RXFP2: variants seen among roughly 807,000 people sequenced by gnomAD.
RXFP2 encodes the protein relaxin receptor 2.
A neutral mutation model predicts 88.6 loss-of-function variants in RXFP2; 68 were observed. The ratio of observed to expected loss-of-function variants is 0.77; its 90% CI spans 0.63 to 0.94. The LOEUF is 0.94. Ranked by LOEUF, RXFP2 falls within the 40% of genes least tolerant of loss-of-function variation. The probability of loss-of-function intolerance (pLI) is 0.00; values close to 1 mark genes in which losing one functional copy is unlikely to be tolerated. For synonymous variants in RXFP2, 329 were observed against 306.8 expected (o/e 1.07, Z -0.76); for missense variants, 791 against 893.9 (o/e 0.88, Z 1.47).
At position 31,797,272 on chromosome 13, in the gene RXFP2, G is replaced by A. The variant is rs149405381; in HGVS notation, c.1858G>A (p.Ala620Thr). ...ITMFCSIQKTALQTTEVRNCF... is the reference protein window; with the variant it reads ...ITMFCSIQKTTLQTTEVRNCF... ...TATGTTCTGTTCCATTCAAAAAACC[G>A]CCTTGCAGACCACAGAAGTAAGGAA... Residue 620 changes from alanine to threonine, a missense_variant, in exon 17 of 18, where the codon GCC becomes ACC. Physicochemically the swap from Ala to Thr is moderately conservative, Grantham distance 58 (BLOSUM62 0). Transcript: ENST00000298386. 2.0e-3 allele frequency: 3,190 copies of A among 1,613,910 alleles called. 4 individuals are homozygous for A. Among genetic ancestry groups the A allele is most frequent in the Non-Finnish European group, 2.4e-3 (2,851 of 1,179,880 alleles).
Position 31,791,968 on chromosome 13 carries a change from C to T in RXFP2, c.1308C>T (p.Val436=), listed in dbSNP as rs1873814286. Residue 436 remains valine (V), a synonymous_variant, in exon 15 of 18, where the codon GTC becomes GTT. Coordinates refer to ENST00000298386, the MANE Select transcript of RXFP2 (RefSeq NM_130806.5). ...AFITCFGNLF[V]IGMRSFIKAE... ...TTACCTGCTTTGGAAATCTTTTTGTCATTGGCATGAGATCTTTCATTAAAG... is the reference window on the plus strand; with the variant it reads ...TTACCTGCTTTGGAAATCTTTTTGTTATTGGCATGAGATCTTTCATTAAAG... 3 of 1,614,084 alleles carry T rather than the reference C, an allele frequency of 1.9e-6. No homozygotes were observed. The highest frequency in any genetic ancestry group is 2.5e-6 in the Non-Finnish European group (3 of 1,180,000).
chr13:31,756,941 T>A (rs1482149379), intron 1 of RXFP2, among the ~76,000 whole-genome samples: 1 of 152,090 alleles, frequency 6.6e-6, no homozygotes, highest in African/African-American at 2.4e-5. Flanking sequence ...AAAAAAAACA[T>A]GACTTCTGTA....
intron 9 of RXFP2, among the ~76,000 whole-genome samples, chr13:31,780,698 G>A (rs1020853679): frequency 1.3e-4 from 20 of 152,300 alleles, no homozygotes; most frequent in Middle Eastern, 6.8e-3. Context: ...TTAGTCCCCC[G>A]CATTGCTCAA....
chr13:31,768,217 G>A (rs1174310960), intron 5 of RXFP2, among the ~76,000 whole-genome samples: 1 of 152,136 alleles, frequency 6.6e-6, no homozygotes, highest in Non-Finnish European at 1.5e-5. Flanking sequence ...TCACCTGACA[G>A]GGCTTCTCCC....
intron 4 of RXFP2, among the ~76,000 whole-genome samples, chr13:31,765,476 G>GT (rs776829077): frequency 1.3e-5 from 2 of 150,828 alleles, no homozygotes; most frequent in Admixed American, 6.6e-5. Context: ...CTTATTCTAC[G>GT]TTTTTTTTAA....
intron 11 of RXFP2, among the ~76,000 whole-genome samples, chr13:31,785,655 A>G (rs138745470): frequency 1.0e-3 from 156 of 152,144 alleles, no homozygotes; most frequent in Non-Finnish European, 1.7e-3. Context: ...CCAGAGTATC[A>G]AAAGAGATCA....
At chr13:31,749,011 A>C (rs1566213073) in intron 1 of RXFP2, among the ~76,000 whole-genome samples, 1 of 151,970 alleles carries the variant, frequency 6.6e-6, no homozygotes, top group African/African-American at 2.4e-5. Context: ...AAATAAATAC[A>C]AGGACGTTCT....
intron 15 of RXFP2, 142 bp from the exon 16 acceptor site, chr13:31,792,536 A>G: frequency 2.6e-6 from 2 of 765,264 alleles, no homozygotes; most frequent in South Asian, 1.6e-5. Context: ...TGGTACTCAG[A>G]TGTTTACATT....
chr13:31,763,146 C>T (rs1034069639), intron 3 of RXFP2, among the ~76,000 whole-genome samples: 2 of 142,500 alleles, frequency 1.4e-5, no homozygotes, highest in Non-Finnish European at 3.0e-5. Flanking sequence ...TGCAGTGATA[C>T]AATCACAGCT....
At chr13:31,790,746 T>C (rs1229826747) in intron 14 of RXFP2, among the ~76,000 whole-genome samples, 1 of 152,142 alleles carries the variant, frequency 6.6e-6, no homozygotes, top group Non-Finnish European at 1.5e-5. Flanking sequence ...GGATTACCAC[T>C]GAGGTGGGGT....
At position 31,782,629 on chromosome 13, in the gene RXFP2, C is replaced by A. The variant is rs112077541; in HGVS notation, c.858-47C>A. On this transcript the variant is annotated intron_variant, in intron 10 of 17. Transcript: ENST00000298386. ...GGCCTCTCCCAATGAGAACTGATTA[C>A]TACAGCAGACGCAAACCCACATGCT... is the stretch of plus-strand genomic sequence containing the variant. 2,831 of 1,383,928 alleles carry A rather than the reference C, an allele frequency of 2.0e-3. 4 individuals carry two copies. The highest frequency in any genetic ancestry group is 2.7e-3 in the Non-Finnish European group (2,608 of 970,546). 85.7% of individuals were successfully genotyped at this position (1,383,928 alleles called of 1,614,324 possible).
chr13:31,759,354 T>G (rs191380850), intron 2 of RXFP2, among the ~76,000 whole-genome samples: 21 of 69,226 alleles, frequency 3.0e-4, no homozygotes, highest in Admixed American at 5.8e-4. Context: ...AAAATCTTTT[T>G]AAGATGATGA....
intron 3 of RXFP2, among the ~76,000 whole-genome samples, chr13:31,762,563 T>G (rs996827503): frequency 2.0e-5 from 3 of 152,080 alleles, no homozygotes; most frequent in African/African-American, 7.2e-5. Flanking sequence ...ATTTTTGGGG[T>G]GTGTGTGTAT....
intron 6 of RXFP2, among the ~76,000 whole-genome samples, 157 bp from the exon 7 acceptor site, chr13:31,775,161 G>C (rs1040084549): frequency 6.6e-6 from 1 of 152,068 alleles, no homozygotes; most frequent in African/African-American, 2.4e-5. Context: ...GTACCTTCTG[G>C]ATACCCCTTG....
intron 14 of RXFP2, among the ~76,000 whole-genome samples, chr13:31,791,561 C>G (rs990267628): frequency 3.9e-5 from 6 of 152,214 alleles, no homozygotes; most frequent in Admixed American, 2.0e-4. Flanking sequence ...TTCAAATTTT[C>G]ATGTCCTCCC....
chr13:31,775,438 GAT>G (rs1566227404), intron 7 of RXFP2, 49 bp downstream of exon 7: 1 of 1,311,938 alleles, frequency 7.6e-7, no homozygotes. Flanking sequence ...TAGTCTTGAT[GAT>G]ATATAACAGT....
chr13:31,743,546 T>C (rs1323760248), intron 1 of RXFP2, among the ~76,000 whole-genome samples: 4 of 152,244 alleles, frequency 2.6e-5, no homozygotes, highest in Non-Finnish European at 5.9e-5. Context: ...TTACAACATG[T>C]TCAATGTGAT....
chr13:31,774,662 AT>A lies in RXFP2; in HGVS notation c.546del (p.Phe182LeufsTer30). ...NCIRHISRKA[F>X]FGLCNLQILY... The stretch of plus-strand genomic sequence containing the variant: ...GCATTAGACACATATCCAGGAAAGC[AT>A]TTTTTGGATTATGTAATCTGCAAAT... On this transcript the variant is annotated frameshift_variant, in exon 6 of 18. Coordinates refer to ENST00000298386, the MANE Select transcript of RXFP2 (RefSeq NM_130806.5). LOFTEE classifies it high-confidence loss of function. The A allele has an allele frequency of 7.7e-6, 12 of 1,559,078 alleles. No homozygotes were observed. The highest frequency in any genetic ancestry group is 2.7e-5 in the African/African-American group (2 of 73,972).
rs114829376 is a variant in RXFP2, at chr13:31,750,243, G to A, written c.95-8015G>A. ...CCTGACTATTGCGTCAGGAATGAAA[G>A]TTTCACCGTCTCATCAGCATGAATT... On this transcript the variant is annotated intron_variant, in intron 1 of 17. Transcript: ENST00000298386. 3.3e-3 allele frequency among the ~76,000 whole-genome samples: 505 copies of A among 152,150 alleles called. 5 individuals are homozygous for A. Among genetic ancestry groups the A allele is most frequent in the African/African-American group, 0.011 (460 of 41,528 alleles).
Sources: allele counts gnomAD v4.1 joint callset (sites outside exome capture counted in the v4.1 genomes callset), GRCh38; gene constraint gnomAD v4.1.1; transcripts MANE v1.5; gene names NCBI Gene and HGNC (gene_info 2026-07-23, HGNC 2026-07-21).